Variants in RERE observed in about 807,000 individuals in gnomAD.
RERE encodes the protein arginine-glutamic acid dipeptide repeats protein.
A neutral mutation model predicts 146.1 loss-of-function variants in RERE; 40 were observed. That is an observed-to-expected ratio of 0.27 (90% CI 0.21 to 0.36). The LOEUF is 0.36. Among genes scored for constraint, RERE ranks in the 10% least tolerant of loss-of-function variants. The pLI is 1.00. For synonymous variants in RERE, 1,003 were observed against 866.0 expected (o/e 1.16, Z -2.78); for missense variants, 1,933 against 2,138.7 (o/e 0.90, Z 1.90).
At chr1:8,602,707 T>C (rs755799736) in intron 4 of RERE, among the ~76,000 whole-genome samples, 9 of 152,082 alleles carry the variant, frequency 5.9e-5, no homozygotes, top group Non-Finnish European at 1.2e-4. Flanking sequence ...CCAAAAAACT[T>C]ACACACAGCA....
intron 2 of RERE, among the ~76,000 whole-genome samples, chr1:8,646,638 T>A (rs1647322072): frequency 6.6e-6 from 1 of 152,200 alleles, no homozygotes; most frequent in South Asian, 2.1e-4. Context: ...GTGTGATTAG[T>A]TAACATTAAG....
At chr1:8,808,077 G>A (rs915569264) in intron 1 of RERE, among the ~76,000 whole-genome samples, 1 of 149,294 alleles carries the variant, frequency 6.7e-6, no homozygotes, top group Non-Finnish European at 1.5e-5. Flanking sequence ...CCTCAAGATC[G>A]AGGCTGCAAT....
chr1:8,549,722 G>A (rs1557682512), intron 6 of RERE, among the ~76,000 whole-genome samples: 1 of 152,218 alleles, frequency 6.6e-6, no homozygotes, highest in Non-Finnish European at 1.5e-5. Flanking sequence ...CATTCATCAA[G>A]TGGACAAGGT....
intron 12 of RERE, among the ~76,000 whole-genome samples, chr1:8,383,865 TAAATAAAATA>T (rs59971377): frequency 2.6e-4 from 39 of 148,436 alleles, no homozygotes; most frequent in South Asian, 1.3e-3. Context: ...TCTCAAAAAA[TAAATAAAATA>T]AAATAAAATA....
chr1:8,369,718 TCTTA>T (rs1224770425), intron 12 of RERE, among the ~76,000 whole-genome samples: 1 of 151,864 alleles, frequency 6.6e-6, no homozygotes, highest in East Asian at 1.9e-4. Context: ...GCAATTCTTC[TCTTA>T]TTTACCCAAA....
chr1:8,722,425 C>T (rs1353434584), intron 1 of RERE, among the ~76,000 whole-genome samples: 1 of 152,188 alleles, frequency 6.6e-6, no homozygotes, highest in Non-Finnish European at 1.5e-5. Flanking sequence ...AAGTATTATA[C>T]ATATATGACA....
At chr1:8,589,671 C>T (rs1352164240) in intron 4 of RERE, among the ~76,000 whole-genome samples, 3 of 152,168 alleles carry the variant, frequency 2.0e-5, no homozygotes, top group Admixed American at 6.5e-5. Flanking sequence ...AGAGTTTGCC[C>T]CCTAGTTCCT....
At chr1:8,748,969 G>A (rs1469864446) in intron 1 of RERE, among the ~76,000 whole-genome samples, 2 of 152,106 alleles carry the variant, frequency 1.3e-5, no homozygotes, top group Admixed American at 1.3e-4. Context: ...CAGTGATGAT[G>A]GTAATAATGG....
intron 8 of RERE, among the ~76,000 whole-genome samples, chr1:8,501,155 G>C (rs1645141092): frequency 6.6e-6 from 1 of 150,520 alleles, no homozygotes; most frequent in South Asian, 2.1e-4. Flanking sequence ...GCCCCGTCCG[G>C]GAGGGGGGGT....
intron 1 of RERE, among the ~76,000 whole-genome samples, chr1:8,686,652 A>C (rs1342302503): frequency 1.3e-5 from 2 of 152,186 alleles, no homozygotes; most frequent in African/African-American, 4.8e-5. Flanking sequence ...TGGGAGGCTG[A>C]GGCAGCAGGA....
chr1:8,709,396 G>A (rs574587281), intron 1 of RERE, among the ~76,000 whole-genome samples: 2 of 151,894 alleles, frequency 1.3e-5, no homozygotes, highest in East Asian at 1.9e-4. Context: ...CTAAGATTAC[G>A]GGTGAGCCAC....
At chr1:8,758,537 G>A (rs1227310613) in intron 1 of RERE, among the ~76,000 whole-genome samples, 2 of 151,706 alleles carry the variant, frequency 1.3e-5, no homozygotes, top group African/African-American at 4.8e-5. Flanking sequence ...GACTACAGGT[G>A]TGCGCCACCA....
At chr1:8,779,581 T>C (rs1557538184) in intron 1 of RERE, among the ~76,000 whole-genome samples, 2 of 151,926 alleles carry the variant, frequency 1.3e-5, no homozygotes, top group African/African-American at 2.4e-5. Flanking sequence ...GAGAATTGCT[T>C]GAACCTGGGA....
intron 8 of RERE, among the ~76,000 whole-genome samples, chr1:8,503,689 A>G (rs190212428): frequency 3.5e-4 from 53 of 152,340 alleles, no homozygotes; most frequent in African/African-American, 1.1e-3. Context: ...AGAAGCTTAA[A>G]TAATAATAAT....
chr1:8,497,544 TGAG>T lies in RERE; in HGVS notation c.880-18_880-16del, dbSNP rs1645061628. On this transcript the variant is annotated splice_polypyrimidine_tract_variant and intron_variant, in intron 8 of 22. Coordinates refer to ENST00000400908, the MANE Select transcript of RERE (RefSeq NM_001042681.2). ...GGAAGTTTGGCCTGTAAGACAGGGA[TGAG>T]TAAGTCACAATCAAGGCATGTATTA... is the stretch of plus-strand genomic sequence containing the variant. 2 of 1,613,832 alleles carry T rather than the reference TGAG, an allele frequency of 1.2e-6. No homozygotes were observed. Among genetic ancestry groups the T allele is most frequent in the Non-Finnish European group, 1.7e-6 (2 of 1,179,760 alleles).
intron 12 of RERE, among the ~76,000 whole-genome samples, chr1:8,401,469 C>T (rs548630039): frequency 1.3e-5 from 2 of 151,844 alleles, no homozygotes; most frequent in Admixed American, 1.3e-4. Context: ...AAATAAATAT[C>T]GGGTCTATAA....
intron 12 of RERE, among the ~76,000 whole-genome samples, chr1:8,378,480 G>C (rs1642338741): frequency 6.6e-6 from 1 of 152,156 alleles, no homozygotes; most frequent in African/African-American, 2.4e-5. Flanking sequence ...TTGGAGACAG[G>C]CTCTTCCAAG....
At chr1:8,452,501 C>A (rs1256469940) in intron 11 of RERE, among the ~76,000 whole-genome samples, 2 of 151,538 alleles carry the variant, frequency 1.3e-5, no homozygotes, top group South Asian at 2.1e-4. Context: ...TGATACGCTC[C>A]CTTCCTTTTG....
At chr1:8,416,900 C>T (rs1189446922) in intron 12 of RERE, among the ~76,000 whole-genome samples, 1 of 152,124 alleles carries the variant, frequency 6.6e-6, no homozygotes, top group Non-Finnish European at 1.5e-5. Context: ...AAGGACAGGG[C>T]CTGAGAATCT....
Sources: allele counts gnomAD v4.1 joint callset (sites outside exome capture counted in the v4.1 genomes callset), GRCh38; gene constraint gnomAD v4.1.1; transcripts MANE v1.5; gene names NCBI Gene and HGNC (gene_info 2026-07-23, HGNC 2026-07-21).